Variants in NBDY observed in about 807,000 individuals in gnomAD.
The protein encoded by NBDY is negative regulator of P-body association, also known as P-body dissociating protein.
chrX:56,808,616 A>G (rs1471795322), intron 2 of NBDY, among the ~76,000 whole-genome samples: 1 of 111,744 alleles, frequency 8.9e-6, no homozygotes, highest in Non-Finnish European at 1.9e-5. Flanking sequence ...CCCCTTTATC[A>G]TTTTTTATCA....
At chrX:56,755,699 T>G (rs1442494257) in intron 2 of NBDY, among the ~76,000 whole-genome samples, 3 of 110,559 alleles carry the variant, frequency 2.7e-5, no homozygotes, top group South Asian at 4.0e-4. Context: ...GGTGGGACTG[T>G]AAACTAGTTG....
intron 2 of NBDY, among the ~76,000 whole-genome samples, chrX:56,790,500 G>A (rs1206630811): frequency 8.9e-6 from 1 of 111,942 alleles, no homozygotes; most frequent in Non-Finnish European, 1.9e-5. Flanking sequence ...TTGGTCACTT[G>A]TCAACAAATG....
chrX:56,794,318 A>G (rs2069780647), intron 2 of NBDY, among the ~76,000 whole-genome samples: 2 of 110,568 alleles, frequency 1.8e-5, no homozygotes, highest in South Asian at 7.8e-4. Context: ...TGGCACTGCG[A>G]CTCCACAAAT....
intron 2 of NBDY, among the ~76,000 whole-genome samples, chrX:56,791,631 A>G (rs748714905): frequency 3.6e-5 from 4 of 111,711 alleles, no homozygotes; most frequent in Admixed American, 9.4e-5. Context: ...TTTAAGCGGA[A>G]CATGACCAGT....
chrX:56,735,416 AC>A (rs941787191), intron 2 of NBDY, among the ~76,000 whole-genome samples: 10 of 112,325 alleles, frequency 8.9e-5, no homozygotes, highest in Admixed American at 2.8e-4. Context: ...GTAATATCAC[AC>A]TTTTTACCTT....
At chrX:56,807,879 TTCTTG>T (rs1270665320) in intron 2 of NBDY, among the ~76,000 whole-genome samples, 1 of 112,286 alleles carries the variant, frequency 8.9e-6, no homozygotes. Context: ...AGAGAGGGCA[TTCTTG>T]TCTTGTGCCA....
chrX:56,784,793 G>A (rs867215884), intron 2 of NBDY, among the ~76,000 whole-genome samples: 7 of 111,588 alleles, frequency 6.3e-5, no homozygotes, highest in Middle Eastern at 4.6e-3. Flanking sequence ...AATTTTGCCG[G>A]CTCTTTAGGG....
chrX:56,762,544 T>C (rs1370945428), intron 2 of NBDY, among the ~76,000 whole-genome samples: 2 of 111,491 alleles, frequency 1.8e-5, no homozygotes, highest in Non-Finnish European at 3.8e-5. Flanking sequence ...CACCCATGTG[T>C]TACTTTTAAG....
intron 2 of NBDY, among the ~76,000 whole-genome samples, chrX:56,754,696 T>G (rs753702000): frequency 9.0e-6 from 1 of 111,303 alleles, no homozygotes; most frequent in Non-Finnish European, 1.9e-5. Flanking sequence ...GTAAGATCAG[T>G]GCTCAGAGGG....
chrX:56,734,048 T>C (rs781180598), intron 2 of NBDY, among the ~76,000 whole-genome samples: 5 of 112,403 alleles, frequency 4.4e-5, no homozygotes, highest in Non-Finnish European at 9.4e-5. Context: ...TTAGAGTAAA[T>C]AGCTAAATGA....
At chrX:56,747,047 T>A (rs1252694151) in intron 2 of NBDY, among the ~76,000 whole-genome samples, 1 of 112,008 alleles carries the variant, frequency 8.9e-6, no homozygotes, top group African/African-American at 3.2e-5. Flanking sequence ...TGTGGACATC[T>A]TTGGGTGGCC....
chrX:56,790,781 C>T (rs1166195708), intron 2 of NBDY, among the ~76,000 whole-genome samples: 2 of 112,500 alleles, frequency 1.8e-5, no homozygotes, highest in Non-Finnish European at 3.8e-5. Context: ...ACCATTCACT[C>T]CCAGATCTGG....
At position 56,817,966 on chromosome X, in the gene NBDY, C is replaced by T. The variant is rs964582760; in HGVS notation, c.*813C>T. 2.3e-4 allele frequency: 25 copies of T among 110,752 alleles called. No individual in the cohort carries two copies. The highest frequency in any genetic ancestry group is 4.7e-4 in the Non-Finnish European group (25 of 52,838). 9.1% of individuals were successfully genotyped at this position (110,752 alleles called of 1,213,427 possible). A position where few individuals can be genotyped will look rare whatever the true frequency, so the allele number is the denominator to read the frequency against. The stretch of plus-strand genomic sequence containing the variant: ...CTTAGTATTGAACAAATAGAATATC[C>T]TAATTAAAAACAGTAATAAATATTA... On this transcript the variant is annotated 3_prime_UTR_variant, in exon 3 of 3. Coordinates refer to ENST00000374922, the MANE Select transcript of NBDY (RefSeq NM_001348129.2).
chrX:56,795,320 G>A (rs1325555646), intron 2 of NBDY, among the ~76,000 whole-genome samples: 1 of 112,025 alleles, frequency 8.9e-6, no homozygotes, highest in Non-Finnish European at 1.9e-5. Flanking sequence ...TGAATGAGAT[G>A]GTCGAGGACA....
chrX:56,789,355 T>C (rs2069748157), intron 2 of NBDY, among the ~76,000 whole-genome samples: 1 of 109,860 alleles, frequency 9.1e-6, no homozygotes, highest in African/African-American at 3.3e-5. Context: ...ATGGTGGGGG[T>C]AGGTTGTACT....
At chrX:56,739,429 TA>T (rs1252889180) in intron 2 of NBDY, among the ~76,000 whole-genome samples, 1 of 105,718 alleles carries the variant, frequency 9.5e-6, no homozygotes, top group Non-Finnish European at 1.9e-5. Flanking sequence ...TTTAGTCACT[TA>T]GGAAATAACA....
intron 2 of NBDY, among the ~76,000 whole-genome samples, chrX:56,802,058 C>G (rs2069826002): frequency 9.1e-6 from 1 of 110,335 alleles, no homozygotes; most frequent in South Asian, 3.9e-4. Context: ...AAGCATTCAC[C>G]CACACAGACG....
intron 2 of NBDY, among the ~76,000 whole-genome samples, chrX:56,742,112 T>C (rs1286371110): frequency 8.9e-6 from 1 of 111,898 alleles, no homozygotes; most frequent in African/African-American, 3.2e-5. Flanking sequence ...TGTATGTTCT[T>C]GGCACCTTTG....
rs762167369 is a variant in NBDY, at chrX:56,740,247, T to C, written c.*166+8048T>C. ...TTCTCTATAGACCTCTGTTATCTTT[T>C]ATGGAGACAGTATTTAGAAACTAAG... On this transcript the variant is annotated intron_variant, in intron 2 of 2. Transcript: ENST00000374922. Among the ~76,000 whole-genome samples, 4 of 111,971 alleles carry C rather than the reference T, an allele frequency of 3.6e-5. No individual in the cohort carries two copies. In the South Asian group the frequency reaches 1.1e-3, roughly 31 times the overall value.
Sources: allele counts gnomAD v4.1 joint callset (sites outside exome capture counted in the v4.1 genomes callset), GRCh38; gene constraint gnomAD v4.1.1; transcripts MANE v1.5; gene names NCBI Gene and HGNC (gene_info 2026-07-23, HGNC 2026-07-21).